The following LHFPL3 variants were observed in gnomAD, a reference collection of about 807,000 sequenced individuals.
LHFPL3 encodes the protein LHFPL tetraspan subfamily member 3 protein.
A neutral mutation model predicts 19.3 loss-of-function variants in LHFPL3; 5 were observed. That is an observed-to-expected ratio of 0.26 (90% CI 0.14 to 0.54). LHFPL3 has a LOEUF of 0.54. LHFPL3 is among the 20% of genes least tolerant of loss of function. The pLI, the probability that LHFPL3 is intolerant of heterozygous loss-of-function variation, is 0.94. For synonymous variants in LHFPL3, 133 were observed against 126.2 expected, an observed-to-expected ratio of 1.05 and a Z score of -0.36; for missense variants, 249 against 307.4, an observed-to-expected ratio of 0.81 and a Z score of 1.42.
At chr7:104,497,626 TA>T (rs61246004) in intron 1 of LHFPL3, among the ~76,000 whole-genome samples, 21,393 of 132,270 alleles carry the variant, frequency 0.16, 2,625 homozygotes, top group African/African-American at 0.36. Flanking sequence ...ACACACCAAT[TA>T]AAAAAAAAAA....
At chr7:104,639,587 T>C (rs1451195118) in intron 1 of LHFPL3, among the ~76,000 whole-genome samples, 1 of 152,326 alleles carries the variant, frequency 6.6e-6, no homozygotes, top group South Asian at 2.1e-4. Flanking sequence ...AATATTTTGA[T>C]TGAAGTACAA....
intron 2 of LHFPL3, among the ~76,000 whole-genome samples, chr7:104,871,474 C>T (rs1046872758): frequency 3.9e-5 from 6 of 152,170 alleles, no homozygotes; most frequent in Admixed American, 6.5e-5. Context: ...CTATAGACTT[C>T]GTAAACACTA....
chr7:104,594,036 A>G (rs1304153003), intron 1 of LHFPL3, among the ~76,000 whole-genome samples: 1 of 152,204 alleles, frequency 6.6e-6, no homozygotes. Flanking sequence ...GCCGATTTAC[A>G]TTCAAGGTTA....
At chr7:104,466,781 C>G (rs932592458) in intron 1 of LHFPL3, among the ~76,000 whole-genome samples, 5 of 152,208 alleles carry the variant, frequency 3.3e-5, no homozygotes, top group Admixed American at 2.0e-4. Context: ...TGGTGAGAAT[C>G]AAATGAAACC....
At chr7:104,754,940 G>A (rs992599037) in intron 2 of LHFPL3, among the ~76,000 whole-genome samples, 1 of 152,138 alleles carries the variant, frequency 6.6e-6, no homozygotes, top group Non-Finnish European at 1.5e-5. Context: ...GTGCTAGGGG[G>A]CAGAGTGCGG....
At chr7:104,750,417 G>C (rs567260376) in intron 2 of LHFPL3, among the ~76,000 whole-genome samples, 1 of 152,280 alleles carries the variant, frequency 6.6e-6, no homozygotes, top group East Asian at 1.9e-4. Flanking sequence ...CACCCTTAAT[G>C]TATGGCAGGA....
At chr7:104,449,100 A>G (rs896983311) in intron 1 of LHFPL3, among the ~76,000 whole-genome samples, 17 of 152,214 alleles carry the variant, frequency 1.1e-4, no homozygotes, top group African/African-American at 3.9e-4. Flanking sequence ...CTGAGTGACA[A>G]ATGCCAAGAA....
rs115293492 is a variant in LHFPL3 at position 104,549,419 on chromosome 7, A to T, written c.446-187256A>T. The stretch of plus-strand genomic sequence containing the variant: ...CAGTAGCCTATTATTTTTTTGAGCT[A>T]TGCTCCTTTTGGCACATGCCCTTAA... On this transcript the variant is annotated intron_variant, in intron 1 of 2. Transcript: ENST00000424859. Among the ~76,000 whole-genome samples, 1,443 of 149,034 alleles carry T rather than the reference A, an allele frequency of 9.7e-3. 23 individuals carry two copies. Among genetic ancestry groups the T allele is most frequent in the African/African-American group, 0.034 (1,365 of 40,656 alleles).
chr7:104,443,405 G>A (rs920213447), intron 1 of LHFPL3, among the ~76,000 whole-genome samples: 1 of 152,142 alleles, frequency 6.6e-6, no homozygotes, highest in Non-Finnish European at 1.5e-5. Flanking sequence ...ATTCTCCTGT[G>A]AGCTCTGATT....
chr7:104,901,392 C>T (rs749669124), intron 2 of LHFPL3, among the ~76,000 whole-genome samples: 13 of 152,118 alleles, frequency 8.5e-5, no homozygotes, highest in African/African-American at 1.4e-4. Flanking sequence ...GTTTCTGTTG[C>T]GTGGTGGTGT....
intron 1 of LHFPL3, among the ~76,000 whole-genome samples, chr7:104,590,425 G>C (rs1272508093): frequency 1.3e-5 from 2 of 152,172 alleles, no homozygotes; most frequent in African/African-American, 4.8e-5. Flanking sequence ...GAGCGGTTTT[G>C]AGTGAGTTTC....
At chr7:104,883,186 C>T (rs776460909) in intron 2 of LHFPL3, among the ~76,000 whole-genome samples, 3 of 152,070 alleles carry the variant, frequency 2.0e-5, no homozygotes, top group African/African-American at 2.4e-5. Context: ...AAAAGAGCTC[C>T]CAAAGCATTT....
At chr7:104,699,348 A>G (rs1793058242) in intron 1 of LHFPL3, among the ~76,000 whole-genome samples, 1 of 152,258 alleles carries the variant, frequency 6.6e-6, no homozygotes, top group Admixed American at 6.5e-5. Flanking sequence ...TAGCCTTTAA[A>G]AAGAAGGACA....
At chr7:104,771,274 C>T (rs1044228043) in intron 2 of LHFPL3, among the ~76,000 whole-genome samples, 2 of 152,182 alleles carry the variant, frequency 1.3e-5, no homozygotes, top group South Asian at 2.1e-4. Context: ...GTGTATGGCA[C>T]TTTCACTTGT....
intron 1 of LHFPL3, among the ~76,000 whole-genome samples, chr7:104,623,368 G>A (rs879721628): frequency 1.4e-4 from 22 of 152,094 alleles, no homozygotes; most frequent in Non-Finnish European, 2.8e-4. Flanking sequence ...AGTGGCTCAC[G>A]TCTGTAATCC....
At chr7:104,598,731 G>A (rs79315918) in intron 1 of LHFPL3, among the ~76,000 whole-genome samples, 4,984 of 152,228 alleles carry the variant, frequency 0.033, 284 homozygotes, top group African/African-American at 0.11. Context: ...ATCAAACAAA[G>A]GCAATTCTGC....
intron 1 of LHFPL3, among the ~76,000 whole-genome samples, chr7:104,597,747 A>T (rs1790891237): frequency 1.3e-5 from 2 of 152,206 alleles, no homozygotes; most frequent in East Asian, 1.9e-4. Context: ...TTCTGCTAAC[A>T]TTACTCCCTT....
intron 2 of LHFPL3, among the ~76,000 whole-genome samples, chr7:104,813,400 TAA>T (rs1790511396): frequency 6.6e-6 from 1 of 152,244 alleles, no homozygotes; most frequent in South Asian, 2.1e-4. Context: ...GTGATGGTCA[TAA>T]AAGTGTTATG....
chr7:104,897,525 G>C (rs2116719885), intron 2 of LHFPL3, among the ~76,000 whole-genome samples: 1 of 152,300 alleles, frequency 6.6e-6, no homozygotes, highest in South Asian at 2.1e-4. Context: ...GATTCACTAA[G>C]ACCATAGGTT....
Sources: gnomAD v4.1 joint callset for allele counts (sites outside exome capture counted in the v4.1 genomes callset) on GRCh38, gnomAD v4.1.1 for gene constraint, MANE v1.5 for transcripts, NCBI Gene and HGNC (gene_info 2026-07-23, HGNC 2026-07-21) for gene names.